The following DDX42 variants were observed in gnomAD, a reference collection of about 807,000 sequenced individuals.
The protein encoded by DDX42 is DEAD-box helicase 42.
Under a neutral mutation model 101.5 loss-of-function variants are expected in DDX42, and 22 were observed. The observed-to-expected ratio is 0.22, with a 90% CI of 0.15 to 0.31. DDX42 has a LOEUF of 0.31. Ranked by LOEUF, DDX42 falls within the 10% of genes least tolerant of loss-of-function variation. The pLI, the probability that DDX42 is intolerant of heterozygous loss-of-function variation, is 1.00. For missense variants in DDX42, 849 were observed against 1,199.9 expected, an observed-to-expected ratio of 0.71 and a Z score of 4.32; for synonymous variants, 402 against 401.2, an observed-to-expected ratio of 1.00 and a Z score of -0.02.
At chr17:63,792,850 G>C (rs2039645499) in intron 3 of DDX42, among the ~76,000 whole-genome samples, 2 of 151,970 alleles carry the variant, frequency 1.3e-5, no homozygotes, top group South Asian at 4.1e-4. Flanking sequence ...TTCTTAAATG[G>C]AATTAATATT....
chr17:63,787,008 A>T, intron 1 of DDX42, 26 bp from the exon 2 acceptor site: 1 of 1,609,552 alleles, frequency 6.2e-7, no homozygotes, highest in South Asian at 1.1e-5. Flanking sequence ...AGTTTAATTT[A>T]TATTTGTGTA....
At chr17:63,796,783 T>C (rs2039698411) in intron 3 of DDX42, among the ~76,000 whole-genome samples, 2 of 152,230 alleles carry the variant, frequency 1.3e-5, no homozygotes, top group South Asian at 2.1e-4. Context: ...ATCTTCAGTT[T>C]ATAGTCTTAA....
At chr17:63,809,257 G>A (rs1268382523) in intron 10 of DDX42, among the ~76,000 whole-genome samples, 1 of 152,194 alleles carries the variant, frequency 6.6e-6, no homozygotes, top group Non-Finnish European at 1.5e-5. Context: ...GCCTAGAAGA[G>A]TGTAGTTTAA....
chr17:63,813,570 G>A (rs962313275), intron 15 of DDX42, 116 bp downstream of exon 15: 4 of 848,974 alleles, frequency 4.7e-6, no homozygotes, highest in Admixed American at 5.2e-5. Context: ...AGGAGGATGT[G>A]GGGCTTATGA....
Sources: gnomAD v4.1 joint callset for allele counts (sites outside exome capture counted in the v4.1 genomes callset) on GRCh38, gnomAD v4.1.1 for gene constraint, MANE v1.5 for transcripts, NCBI Gene and HGNC (gene_info 2026-07-23, HGNC 2026-07-21) for gene names.